Variants in ZPBP observed in about 807,000 individuals in gnomAD.
ZPBP encodes the protein zona pellucida binding protein, also known as zona pellucida-binding protein 1.
A neutral mutation model predicts 44.8 loss-of-function variants in ZPBP; 26 were observed. That is an observed-to-expected ratio of 0.58 (90% CI 0.43 to 0.81). The LOEUF is 0.81. Ranked by LOEUF, ZPBP falls within the 30% of genes least tolerant of loss-of-function variation. ZPBP has a pLI of 0.00. For missense variants in ZPBP, 409 were observed against 434.0 expected, an observed-to-expected ratio of 0.94 and a Z score of 0.51; for synonymous variants, 174 against 153.2, an observed-to-expected ratio of 1.14 and a Z score of -1.00.
intron 2 of ZPBP, among the ~76,000 whole-genome samples, chr7:49,888,353 T>C (rs1479576552): frequency 6.6e-6 from 1 of 152,244 alleles, no homozygotes; most frequent in East Asian, 1.9e-4. Flanking sequence ...TGATCACTGA[T>C]TTTCCTAAAT....
intron 6 of ZPBP, among the ~76,000 whole-genome samples, chr7:50,010,155 G>A (rs1050915764): frequency 2.6e-5 from 4 of 151,900 alleles, no homozygotes; most frequent in African/African-American, 9.7e-5. Flanking sequence ...ATATAGAAAG[G>A]TATGACCCTA....
At chr7:49,951,867 A>T (rs1316909738) in intron 7 of ZPBP, among the ~76,000 whole-genome samples, 1 of 151,844 alleles carries the variant, frequency 6.6e-6, no homozygotes, top group Non-Finnish European at 1.5e-5. Flanking sequence ...TATATATATA[A>T]AATGGGATAT....
chr7:50,008,985 G>C (rs1562841883), intron 6 of ZPBP, among the ~76,000 whole-genome samples: 1 of 152,064 alleles, frequency 6.6e-6, no homozygotes, highest in Non-Finnish European at 1.5e-5. Flanking sequence ...TGTAATCTCA[G>C]TACTTTGGGA....
intron 2 of ZPBP, among the ~76,000 whole-genome samples, chr7:50,088,068 A>G (rs1802760298): frequency 6.6e-6 from 1 of 152,134 alleles, no homozygotes; most frequent in Admixed American, 6.5e-5. Context: ...AAGTATCAGC[A>G]TAAGAACAGA....
chr7:50,015,378 T>C (rs547201984), intron 6 of ZPBP, among the ~76,000 whole-genome samples: 12 of 152,158 alleles, frequency 7.9e-5, no homozygotes, highest in South Asian at 2.1e-4. Context: ...GTAGAAAAGA[T>C]TGAAATTTCA....
At chr7:50,020,141 G>C (rs1799019483) in intron 5 of ZPBP, among the ~76,000 whole-genome samples, 1 of 152,042 alleles carries the variant, frequency 6.6e-6, no homozygotes, top group African/African-American at 2.4e-5. Context: ...ATAACCTAAG[G>C]TACAGCTTTT....
chr7:50,006,333 C>T (rs1038015809), intron 6 of ZPBP, among the ~76,000 whole-genome samples: 15 of 152,088 alleles, frequency 9.9e-5, no homozygotes, highest in Middle Eastern at 3.4e-3. Flanking sequence ...CTAAAGTGCA[C>T]ATGGAACATT....
At chr7:49,933,372 C>T (rs1022898005), downstream of ZPBP, among the ~76,000 whole-genome samples, 2 of 152,174 alleles carry the variant, frequency 1.3e-5, no homozygotes, top group Non-Finnish European at 2.9e-5. Context: ...CTGCAAGTAA[C>T]AGAAAACCTA....
intron 2 of ZPBP, among the ~76,000 whole-genome samples, chr7:49,877,724 T>C (rs1036368602): frequency 5.3e-5 from 8 of 150,140 alleles, no homozygotes; most frequent in Non-Finnish European, 8.9e-5. Context: ...ACTTTTACAC[T>C]CTGGAGAGCC....
chr7:49,979,574 C>T (rs1255163112), intron 7 of ZPBP, among the ~76,000 whole-genome samples: 1 of 150,666 alleles, frequency 6.6e-6, no homozygotes, highest in African/African-American at 2.4e-5. Context: ...TTTTTAAATA[C>T]AAAAAAAATT....
In ZPBP at chr7:49,871,404, G is replaced by A. The variant is rs137973012; in HGVS notation, n.510-20890C>T. Among the ~76,000 whole-genome samples the A allele has an allele frequency of 1.6e-3, 236 of 152,176 alleles. 3 individuals are homozygous for A. Among genetic ancestry groups the A allele is most frequent in the African/African-American group, 5.4e-3 (226 of 41,526 alleles). ...TTTAATAAGAAAATATGAAATTATG[G>A]TGAAAACTCATCAGTAATGAAATGG... is the stretch of plus-strand genomic sequence containing the variant. On this transcript the variant is annotated intron_variant and non_coding_transcript_variant, in intron 2 of 2. Coordinates refer to the ZPBP transcript ENST00000465922.
chr7:49,943,737 G>A (rs2128754357), intron 7 of ZPBP: 2 of 246,934 alleles, frequency 8.1e-6, no homozygotes, highest in South Asian at 5.2e-5. Flanking sequence ...TCAATGTGAC[G>A]GGAACGGGTA....
intron 2 of ZPBP, among the ~76,000 whole-genome samples, chr7:49,894,181 G>T (rs1346032401): frequency 6.6e-6 from 1 of 152,114 alleles, no homozygotes; most frequent in Non-Finnish European, 1.5e-5. Context: ...TCTTTTGACA[G>T]GTTCTCACTC....
chr7:49,973,201 A>G (rs1189087653), intron 7 of ZPBP, among the ~76,000 whole-genome samples: 1 of 151,790 alleles, frequency 6.6e-6, no homozygotes, highest in Non-Finnish European at 1.5e-5. Flanking sequence ...CATAGACAAC[A>G]AAAGAAAAAA....
intron 5 of ZPBP, among the ~76,000 whole-genome samples, chr7:50,027,086 T>C (rs1204118231): frequency 6.6e-6 from 1 of 151,946 alleles, no homozygotes; most frequent in Non-Finnish European, 1.5e-5. Flanking sequence ...CCCTCATAAA[T>C]ATGTATAGCT....
downstream of ZPBP, among the ~76,000 whole-genome samples, chr7:49,933,446 T>G (rs1016147434): frequency 1.3e-5 from 2 of 152,222 alleles, no homozygotes; most frequent in Non-Finnish European, 2.9e-5. Context: ...AATTTTACAC[T>G]GTTGGTGGGA....
intron 3 of ZPBP, among the ~76,000 whole-genome samples, chr7:50,066,073 T>C (rs997912486): frequency 2.6e-5 from 4 of 150,958 alleles, no homozygotes; most frequent in Non-Finnish European, 1.5e-5. Flanking sequence ...GGGCATCCAA[T>C]TTGTGGTTTT....
intron 7 of ZPBP, among the ~76,000 whole-genome samples, chr7:49,965,736 C>T (rs1396299221): frequency 6.6e-6 from 1 of 151,842 alleles, no homozygotes; most frequent in Non-Finnish European, 1.5e-5. Context: ...TACAATAGCA[C>T]AAAGGTCAGG....
intron 5 of ZPBP, among the ~76,000 whole-genome samples, chr7:50,021,921 C>CA (rs1799117183): frequency 6.6e-6 from 1 of 152,048 alleles, no homozygotes; most frequent in Non-Finnish European, 1.5e-5. Flanking sequence ...AAATCAAAGA[C>CA]AGAGAGTCTT....
Sources: allele counts gnomAD v4.1 joint callset (sites outside exome capture counted in the v4.1 genomes callset), GRCh38; gene constraint gnomAD v4.1.1; transcripts MANE v1.5; gene names NCBI Gene and HGNC (gene_info 2026-07-23, HGNC 2026-07-21).